Variants in HDGFL3 observed in about 807,000 individuals in gnomAD.
HDGFL3 encodes the protein hepatoma-derived growth factor-related protein 3.
Under a neutral mutation model 27.6 loss-of-function variants are expected in HDGFL3, and 6 were observed. That is an observed-to-expected ratio of 0.22 (90% CI 0.12 to 0.43). The LOEUF is 0.43. Ranked by LOEUF, HDGFL3 falls within the 20% of genes least tolerant of loss-of-function variation. HDGFL3 has a pLI of 1.00. For missense variants in HDGFL3, 207 were observed against 250.1 expected (o/e 0.83, Z 1.16); for synonymous variants, 88 against 88.9 (o/e 0.99, Z 0.05).
At chr15:83,120,105 G>A (rs984375363) in intron 3 of HDGFL3, 4 of 178,720 alleles carry the variant, frequency 2.2e-5, no homozygotes, top group Middle Eastern at 2.5e-3. Context: ...TGGCTTGTCC[G>A]TTCACTCCTC....
intron 5 of HDGFL3, among the ~76,000 whole-genome samples, chr15:83,142,599 A>G (rs2036798570): frequency 6.6e-6 from 1 of 152,140 alleles, no homozygotes; most frequent in African/African-American, 2.4e-5. Context: ...GGGTAACAAC[A>G]AACACCTGTG....
chr15:83,205,513 C>A (rs561938895), intron 1 of HDGFL3, among the ~76,000 whole-genome samples: 1 of 152,160 alleles, frequency 6.6e-6, no homozygotes, highest in Non-Finnish European at 1.5e-5. Flanking sequence ...AGGACCACTT[C>A]CGTAGGATTT....
rs965002336 is a variant in HDGFL3 at position 83,134,647 on chromosome 15, G to C, written c.*4623C>G. On this transcript the variant is annotated 3_prime_UTR_variant, in exon 6 of 6. Coordinates refer to ENST00000299633, the MANE Select transcript of HDGFL3 (RefSeq NM_016073.4). ...TTACACAGGCTCCCCTATGCAAGTA[G>C]GCACAACTGCTCATATTTATTCTCT... 1 of 152,204 alleles carries C rather than the reference G, an allele frequency of 6.6e-6. No homozygotes were observed. The highest frequency in any genetic ancestry group is 1.9e-4 in the East Asian group (1 of 5,188). The allele number at this position is 152,204 out of a possible 1,614,324, so 9.4% of individuals were successfully genotyped here.
chr15:83,204,314 C>A (rs2037689446), intron 1 of HDGFL3, among the ~76,000 whole-genome samples: 1 of 151,894 alleles, frequency 6.6e-6, no homozygotes, highest in South Asian at 2.1e-4. Flanking sequence ...TAAGTACATT[C>A]CATTCCATGT....
Position 83,135,983 on chromosome 15 carries a change from T to C in HDGFL3, c.*3287A>G, listed in dbSNP as rs1329426903. The C allele has an allele frequency of 2.0e-5, 3 of 152,300 alleles. No homozygotes were observed. The highest frequency in any genetic ancestry group is 7.2e-5 in the African/African-American group (3 of 41,436). The allele number at this position is 152,300 out of a possible 1,614,324, so 9.4% of individuals were successfully genotyped here. ...AAGGAGTAGATGAAAGACTGATAAA[T>C]GAAGCTGAGGTCCCCCCAGTGCTTC... On this transcript the variant is annotated 3_prime_UTR_variant, in exon 6 of 6. Transcript: ENST00000299633.
chr15:83,161,950 G>A (rs1231082658), intron 2 of HDGFL3, among the ~76,000 whole-genome samples: 2 of 152,136 alleles, frequency 1.3e-5, no homozygotes, highest in African/African-American at 2.4e-5. Flanking sequence ...GTTAGAAGCA[G>A]AAGAACTTGA....
chr15:83,126,720 T>C (rs749090630), downstream of HDGFL3: 46 of 1,543,656 alleles, frequency 3.0e-5, no homozygotes, highest in African/African-American at 1.9e-4. Flanking sequence ...CCAGATGTGA[T>C]TGTATTTTTA....
downstream of HDGFL3, chr15:83,127,285 CT>C: frequency 7.1e-7 from 1 of 1,410,010 alleles, no homozygotes. Flanking sequence ...AAAATGTTTA[CT>C]TTTTTGTACT....
At chr15:83,183,510 C>G (rs2151417110) in intron 1 of HDGFL3, among the ~76,000 whole-genome samples, 1 of 152,230 alleles carries the variant, frequency 6.6e-6, no homozygotes. Context: ...CCTGTAATCC[C>G]TGCACTTCGG....
chr15:83,186,793 G>A (rs73437312), intron 1 of HDGFL3, among the ~76,000 whole-genome samples: 1,694 of 152,240 alleles, frequency 0.011, 36 homozygotes, highest in African/African-American at 0.038. Context: ...TGCATACTCA[G>A]GTGATGGTGC....
At chr15:83,124,608 T>C, downstream of HDGFL3, 1 of 1,237,184 alleles carries the variant, frequency 8.1e-7, no homozygotes, top group Non-Finnish European at 1.2e-6. Flanking sequence ...ACATTTAATG[T>C]TTCAGATTTC....
intron 2 of HDGFL3, among the ~76,000 whole-genome samples, chr15:83,161,307 C>A (rs1290442405): frequency 6.6e-6 from 1 of 152,180 alleles, no homozygotes; most frequent in Non-Finnish European, 1.5e-5. Flanking sequence ...GTAGCTAGGA[C>A]TACAGCCACC....
chr15:83,132,555 A>ATTTC lies in HDGFL3; in HGVS notation c.*6714_*6715insGAAA, dbSNP rs57663948. On this transcript the variant is annotated 3_prime_UTR_variant, in exon 6 of 6. Coordinates refer to ENST00000299633, the MANE Select transcript of HDGFL3 (RefSeq NM_016073.4). Reference sequence around the variant, plus strand: ...GGTTGTGAAGAGTTTACTGAAGTAAATTTATCATTTTTTTTTTAACTTGAG... The same window carrying ATTTC: ...GGTTGTGAAGAGTTTACTGAAGTAAATTTCTTTATCATTTTTTTTTTAACTTGAG... 57,776 of 151,622 alleles carry ATTTC rather than the reference A, an allele frequency of 0.38. 12,996 individuals carry two copies. Among genetic ancestry groups the ATTTC allele is most frequent in the African/African-American group, 0.64 (26,230 of 41,200 alleles). The allele number at this position is 151,622 out of a possible 1,614,324, so 9.4% of individuals were successfully genotyped here.
chr15:83,166,374 TA>T (rs1341962247), intron 1 of HDGFL3, among the ~76,000 whole-genome samples: 1 of 152,014 alleles, frequency 6.6e-6, no homozygotes, highest in East Asian at 1.9e-4. Context: ...TGAGCAGAAA[TA>T]AAGGAGAAAT....
chr15:83,186,670 A>G (rs1037721976), intron 1 of HDGFL3, among the ~76,000 whole-genome samples: 1 of 152,138 alleles, frequency 6.6e-6, no homozygotes, highest in Non-Finnish European at 1.5e-5. Flanking sequence ...TATGAGTGAG[A>G]GCTAAACTAT....
rs2036038037 is a variant in HDGFL3 at position 83,129,296 on chromosome 15, G to A, written c.*9974C>T. ...AGGATAGGCTATGTGCTCTGCTGCT[G>A]TAACAAATACTCAGAGTAGCTTAAC... is the stretch of plus-strand genomic sequence containing the variant. On this transcript the variant is annotated 3_prime_UTR_variant, in exon 6 of 6. Coordinates refer to ENST00000299633, the MANE Select transcript of HDGFL3 (RefSeq NM_016073.4). 1 of 152,186 alleles carries A rather than the reference G, an allele frequency of 6.6e-6. No homozygotes were observed. Among genetic ancestry groups the A allele is most frequent in the Admixed American group, 6.5e-5 (1 of 15,272 alleles). 9.4% of individuals were successfully genotyped at this position (152,186 alleles called of 1,614,324 possible). A position where few individuals can be genotyped will look rare whatever the true frequency, so the allele number is the denominator to read the frequency against.
At chr15:83,160,152 T>C (rs1179341045) in intron 2 of HDGFL3, among the ~76,000 whole-genome samples, 1 of 151,952 alleles carries the variant, frequency 6.6e-6, no homozygotes, top group East Asian at 1.9e-4. Flanking sequence ...GCATATGGCA[T>C]ATGTGAGAAA....
At chr15:83,152,683 G>C (rs1345324352) in intron 4 of HDGFL3, among the ~76,000 whole-genome samples, 1 of 78,726 alleles carries the variant, frequency 1.3e-5, no homozygotes, top group African/African-American at 4.9e-5. Flanking sequence ...ACTCTGTCTC[G>C]AAAAAAAAAA....
At chr15:83,192,169 T>C (rs938363821) in intron 1 of HDGFL3, 15 of 378,530 alleles carry the variant, frequency 4.0e-5, no homozygotes, top group Non-Finnish European at 6.7e-5. Flanking sequence ...CTCGAACTCC[T>C]GACCTCAGGT....
Sources: gnomAD v4.1 joint callset for allele counts (sites outside exome capture counted in the v4.1 genomes callset) on GRCh38, gnomAD v4.1.1 for gene constraint, MANE v1.5 for transcripts, NCBI Gene and HGNC (gene_info 2026-07-23, HGNC 2026-07-21) for gene names.